Variants in WWP2 observed in about 807,000 individuals in gnomAD.
The protein encoded by WWP2 is NEDD4-like E3 ubiquitin-protein ligase WWP2.
Under a neutral mutation model 121.0 loss-of-function variants are expected in WWP2, and 57 were observed. The ratio of observed to expected loss-of-function variants is 0.47; its 90% CI spans 0.38 to 0.59. The LOEUF (loss-of-function observed/expected upper bound fraction) is 0.59. Ranked by LOEUF, WWP2 falls within the 20% of genes least tolerant of loss-of-function variation. WWP2 has a pLI of 0.00. For missense variants in WWP2, 962 were observed against 1,158.9 expected, an observed-to-expected ratio of 0.83 and a Z score of 2.47; for synonymous variants, 449 against 441.3, an observed-to-expected ratio of 1.02 and a Z score of -0.22.
At chr16:69,795,844 A>T (rs1472385349) in intron 2 of WWP2, among the ~76,000 whole-genome samples, 1 of 151,288 alleles carries the variant, frequency 6.6e-6, no homozygotes, top group African/African-American at 2.4e-5. Context: ...GACAGGGTTT[A>T]GCCATGTTGC....
At chr16:69,936,623 C>A in intron 19 of WWP2, 171 bp downstream of exon 19, 1 of 959,478 alleles carries the variant, frequency 1.0e-6, no homozygotes, top group Non-Finnish European at 1.5e-6. Context: ...GCTGGGGGAA[C>A]CAAAGCCGAG....
intron 5 of WWP2, 134 bp downstream of exon 5, chr16:69,840,397 C>T (rs774021191): frequency 1.3e-5 from 15 of 1,196,056 alleles, no homozygotes; most frequent in African/African-American, 7.6e-5. Context: ...ATAGCTAGCC[C>T]GGACTCTTCT....
intron 4 of WWP2, among the ~76,000 whole-genome samples, chr16:69,803,564 C>G (rs1457845998): frequency 6.6e-6 from 1 of 152,072 alleles, no homozygotes; most frequent in Non-Finnish European, 1.5e-5. Context: ...TCTGAGGCCC[C>G]CCACTTCCAC....
chr16:69,818,502 T>G (rs912740528), intron 4 of WWP2, among the ~76,000 whole-genome samples: 1 of 152,176 alleles, frequency 6.6e-6, no homozygotes, highest in African/African-American at 2.4e-5. Flanking sequence ...CCACGGCGCC[T>G]GACCTCCTTT....
At chr16:69,886,303 C>T (rs961824470) in intron 7 of WWP2, among the ~76,000 whole-genome samples, 4 of 152,162 alleles carry the variant, frequency 2.6e-5, no homozygotes, top group Non-Finnish European at 5.9e-5. Context: ...TCTGGAATTC[C>T]TGGGCTCAAG....
chr16:69,939,373 A>G lies in WWP2; in HGVS notation c.2473A>G (p.Lys825Glu). Reference sequence around the variant, plus strand: ...CGGACCACAGAAGTTTTGCATTGACAAAGTTGGCAAGGAAACCTGGCTGCC... The same window carrying G: ...CGGACCACAGAAGTTTTGCATTGACGAAGTTGGCAAGGAAACCTGGCTGCC... ...SNGPQKFCID[K>E]VGKETWLPRS... Residue 825 changes from lysine (K) to glutamate (E), a missense_variant, in exon 23 of 24, where the codon AAA becomes GAA. By Grantham distance (56) the Lys-to-Glu change is moderately conservative (BLOSUM62 1). This residue lies in a region of WWP2 where 606 missense variants were observed against 772.6 expected (regional missense o/e 0.78). Transcript: ENST00000359154. The G allele has an allele frequency of 6.2e-7, 1 of 1,614,180 alleles. No individual in the cohort carries two copies. Among genetic ancestry groups the G allele is most frequent in the Non-Finnish European group, 8.5e-7 (1 of 1,180,032 alleles).
At chr16:69,811,047 G>A (rs1246161019) in intron 4 of WWP2, among the ~76,000 whole-genome samples, 1 of 152,130 alleles carries the variant, frequency 6.6e-6, no homozygotes, top group Admixed American at 6.6e-5. Context: ...GAGCCACCAT[G>A]CCCGGCTGGA....
rs981116157 is a variant in WWP2 at position 69,885,905 on chromosome 16, G to A, written c.704-2134G>A. On this transcript the variant is annotated intron_variant, in intron 7 of 23. Coordinates refer to ENST00000359154, the MANE Select transcript of WWP2 (RefSeq NM_001270454.2). ...TTAAGTTGGTAATCTGACTCTGCTG[G>A]CCTCATGGTATCTGATTTATTATGT... is the stretch of plus-strand genomic sequence containing the variant. 3.3e-5 allele frequency among the ~76,000 whole-genome samples: 5 copies of A among 152,148 alleles called. No individual in the cohort carries two copies. In the East Asian group the frequency reaches 5.8e-4, roughly 18 times the overall value.
chr16:69,885,368 T>C (rs1172946128), intron 7 of WWP2, among the ~76,000 whole-genome samples: 1 of 152,216 alleles, frequency 6.6e-6, no homozygotes, highest in Non-Finnish European at 1.5e-5. Flanking sequence ...AGGGAAACAT[T>C]AATTGCACAA....
At chr16:69,939,749 A>C in intron 23 of WWP2, 92 bp from the exon 24 acceptor site, 1 of 1,197,388 alleles carries the variant, frequency 8.4e-7, no homozygotes, top group Middle Eastern at 2.0e-4. Flanking sequence ...AGTGTGGTGC[A>C]AGCCCTGTGG....
At chr16:69,863,384 A>T (rs2151905964) in intron 6 of WWP2, among the ~76,000 whole-genome samples, 1 of 152,322 alleles carries the variant, frequency 6.6e-6, no homozygotes, top group African/African-American at 2.4e-5. Flanking sequence ...TCATGCCTGT[A>T]ATCCTTGCAC....
chr16:69,939,441 C>G, intron 23 of WWP2, 28 bp downstream of exon 23: 1 of 1,613,008 alleles, frequency 6.2e-7, no homozygotes, highest in Non-Finnish European at 8.5e-7. Context: ...AGTGGGAGGT[C>G]GGGGGGCCTC....
chr16:69,897,543 C>T (rs1370688135), intron 8 of WWP2, among the ~76,000 whole-genome samples: 2 of 152,174 alleles, frequency 1.3e-5, no homozygotes, highest in African/African-American at 2.4e-5. Flanking sequence ...TGCATTTAAA[C>T]TGCTATACGG....
chr16:69,787,219 T>C, intron 2 of WWP2, 139 bp downstream of exon 2: 1 of 563,470 alleles, frequency 1.8e-6, no homozygotes, highest in Non-Finnish European at 2.9e-6. Flanking sequence ...GATTGTCATC[T>C]TGTAGCTGTA....
intron 9 of WWP2, among the ~76,000 whole-genome samples, chr16:69,913,616 G>T (rs1283863755): frequency 6.6e-6 from 1 of 152,048 alleles, no homozygotes; most frequent in Non-Finnish European, 1.5e-5. Flanking sequence ...CTTTGGAAAG[G>T]AAAACCAGAT....
At chr16:69,870,628 G>A (rs191082325) in intron 6 of WWP2, among the ~76,000 whole-genome samples, 2 of 152,198 alleles carry the variant, frequency 1.3e-5, no homozygotes, top group East Asian at 1.9e-4. Context: ...TAGTTTTATC[G>A]CCCCATGTTG....
Position 69,917,748 on chromosome 16 carries a change from T to C in WWP2, c.1044T>C (p.Tyr348=), listed in dbSNP as rs779483511. 5.0e-6 allele frequency: 8 copies of C among 1,611,758 alleles called. No homozygotes were observed. The highest frequency in any genetic ancestry group is 4.0e-5 in the African/African-American group (3 of 74,928). ...KRTDPRGRFY[Y]VDHNTRTTTW... ...CAGATCCCCGAGGCAGGTTTTACTA[T>C]GTGGATCACAATACTCGGACCACCA... Residue 348 remains tyrosine, a synonymous_variant, in exon 10 of 24, where the codon TAT becomes TAC. Coordinates refer to ENST00000359154, the MANE Select transcript of WWP2 (RefSeq NM_001270454.2).
chr16:69,848,828 C>T (rs2057142227), intron 6 of WWP2, among the ~76,000 whole-genome samples: 1 of 152,096 alleles, frequency 6.6e-6, no homozygotes, highest in South Asian at 2.1e-4. Flanking sequence ...TGGCCCTCAT[C>T]AGCTGTCAGT....
In WWP2 at chr16:69,842,098, A is replaced by G. The variant is rs759782275; in HGVS notation, c.553A>G (p.Asn185Asp). Residue 185 changes from asparagine to aspartate, a missense_variant, in exon 6 of 24, where the codon AAC (asparagine) becomes GAC (aspartate). Transcript: ENST00000359154. ...GAACCGGCACCAGCCCCCCAGCACA[A>G]ACTGCTTTGGTGGAAGATCCCGGTA... ...PENRHQPPST[N>D]CFGGRSRTHR... 3.7e-6 allele frequency: 6 copies of G among 1,613,166 alleles called. No homozygotes were observed. Among genetic ancestry groups the G allele is most frequent in the Non-Finnish European group, 5.1e-6 (6 of 1,179,694 alleles).
Sources: gnomAD v4.1 joint callset for allele counts (sites outside exome capture counted in the v4.1 genomes callset) on GRCh38, gnomAD v4.1.1 for gene constraint, gnomAD v4.1.1 regional missense constraint, MANE v1.5 for transcripts, NCBI Gene and HGNC (gene_info 2026-07-23, HGNC 2026-07-21) for gene names.